The following CDH13 variants were observed in gnomAD, a reference collection of about 807,000 sequenced individuals.
CDH13 encodes the protein cadherin 13, also known as cadherin-13.
Under a neutral mutation model 63.8 loss-of-function variants are expected in CDH13, and 24 were observed. That is an observed-to-expected ratio of 0.38 (90% CI 0.27 to 0.53). The LOEUF (loss-of-function observed/expected upper bound fraction) is 0.53, where lower values mean the gene tolerates loss of function less well. Ranked by LOEUF, CDH13 falls within the 20% of genes least tolerant of loss-of-function variation. The probability of loss-of-function intolerance (pLI) is 0.85; values close to 1 mark genes in which losing one functional copy is unlikely to be tolerated. For synonymous variants in CDH13, 503 were observed against 355.3 expected (o/e 1.42, Z -4.67); for missense variants, 1,049 against 903.1 (o/e 1.16, Z -2.07).
chr16:83,211,534 C>T (rs781518106), intron 4 of CDH13, among the ~76,000 whole-genome samples: 17 of 152,188 alleles, frequency 1.1e-4, no homozygotes, highest in Non-Finnish European at 1.8e-4. Flanking sequence ...ACACACACCA[C>T]ATTGTATCAT....
chr16:82,980,316 A>G (rs915588458), intron 2 of CDH13, among the ~76,000 whole-genome samples: 1 of 152,134 alleles, frequency 6.6e-6, no homozygotes, highest in Non-Finnish European at 1.5e-5. Context: ...GGTCAAAACT[A>G]GAGACTCACA....
chr16:82,953,620 G>A (rs1457529140), intron 2 of CDH13: 1 of 152,084 alleles, frequency 6.6e-6, no homozygotes, highest in Non-Finnish European at 1.5e-5. Flanking sequence ...ATAAAACATG[G>A]GTGAGAAAAT....
At chr16:82,846,464 C>A (rs1224087381) in intron 1 of CDH13, among the ~76,000 whole-genome samples, 2 of 152,288 alleles carry the variant, frequency 1.3e-5, no homozygotes, top group South Asian at 4.1e-4. Flanking sequence ...CTCATTGACT[C>A]ATACAACCAA....
intron 10 of CDH13, chr16:83,717,749 C>T (rs573286101): frequency 3.3e-5 from 5 of 152,386 alleles, no homozygotes; most frequent in Admixed American, 3.3e-4. Context: ...TTAACCAGCT[C>T]CCCTGCATGC....
chr16:82,792,813 T>A (rs1347587089), intron 1 of CDH13, among the ~76,000 whole-genome samples: 3 of 152,252 alleles, frequency 2.0e-5, no homozygotes, highest in Admixed American at 1.3e-4. Context: ...AATGCCCAAC[T>A]GCATCCAGGC....
intron 5 of CDH13, among the ~76,000 whole-genome samples, chr16:83,309,978 C>T (rs1458791974): frequency 6.6e-6 from 1 of 152,148 alleles, no homozygotes. Flanking sequence ...GGAGACAGAG[C>T]TTCAGATGAG....
chr16:82,939,859 G>C (rs746911452), intron 2 of CDH13, among the ~76,000 whole-genome samples: 1 of 151,900 alleles, frequency 6.6e-6, no homozygotes. Context: ...AGGTATATTC[G>C]CACGTTTTCA....
intron 2 of CDH13, among the ~76,000 whole-genome samples, chr16:82,882,682 C>A (rs938465443): frequency 1.3e-5 from 2 of 151,958 alleles, no homozygotes; most frequent in East Asian, 3.9e-4. Flanking sequence ...CTCTCTCTCC[C>A]TTTCTTCCTT....
At chr16:83,774,064 C>G (rs1347376563) in intron 11 of CDH13, among the ~76,000 whole-genome samples, 1 of 152,180 alleles carries the variant, frequency 6.6e-6, no homozygotes, top group Non-Finnish European at 1.5e-5. Flanking sequence ...CTGCTGTTAT[C>G]TCTGAAAAAG....
intron 7 of CDH13, among the ~76,000 whole-genome samples, chr16:83,493,332 G>T: frequency 6.6e-6 from 1 of 152,302 alleles, no homozygotes; most frequent in South Asian, 2.1e-4. Flanking sequence ...TTGAATGAAA[G>T]ACAGAGCTAA....
intron 11 of CDH13, among the ~76,000 whole-genome samples, chr16:83,761,050 G>A (rs751821750): frequency 1.4e-4 from 22 of 152,178 alleles, no homozygotes; most frequent in Non-Finnish European, 2.9e-4. Context: ...GCTACACACA[G>A]CTCAACATAC....
chr16:83,283,915 A>C (rs1158155913), intron 5 of CDH13, among the ~76,000 whole-genome samples: 1 of 152,098 alleles, frequency 6.6e-6, no homozygotes, highest in Non-Finnish European at 1.5e-5. Context: ...ACATTTTTGT[A>C]ATGTGTGTTT....
chr16:83,473,773 C>T (rs2073527472), intron 6 of CDH13, among the ~76,000 whole-genome samples: 1 of 152,102 alleles, frequency 6.6e-6, no homozygotes, highest in Non-Finnish European at 1.5e-5. Flanking sequence ...GAATAAACCA[C>T]ACTTCCTGGG....
intron 8 of CDH13, among the ~76,000 whole-genome samples, chr16:83,653,275 A>G (rs1912561195): frequency 6.6e-6 from 1 of 152,202 alleles, no homozygotes; most frequent in African/African-American, 2.4e-5. Context: ...ATTCATATGT[A>G]CAATTTAAAT....
chr16:83,488,141 C>T (rs1208938239), intron 7 of CDH13, among the ~76,000 whole-genome samples: 1 of 152,304 alleles, frequency 6.6e-6, no homozygotes, highest in African/African-American at 2.4e-5. Flanking sequence ...AAATCAGCTT[C>T]ACAGTCACAG....
At chr16:83,278,835 A>T (rs1336452021) in intron 5 of CDH13, among the ~76,000 whole-genome samples, 1 of 152,172 alleles carries the variant, frequency 6.6e-6, no homozygotes, top group African/African-American at 2.4e-5. Flanking sequence ...AGAAGCAGTG[A>T]ATTTAGAACA....
intron 5 of CDH13, among the ~76,000 whole-genome samples, chr16:83,273,260 G>A (rs1375718779): frequency 6.6e-6 from 1 of 152,068 alleles, no homozygotes; most frequent in Admixed American, 6.6e-5. Flanking sequence ...GAGGTTTGGT[G>A]TACAGACGAT....
intron 6 of CDH13, among the ~76,000 whole-genome samples, chr16:83,376,741 G>A (rs2091466731): frequency 6.6e-6 from 1 of 152,136 alleles, no homozygotes; most frequent in Non-Finnish European, 1.5e-5. Context: ...CAAAGGGCCA[G>A]AAATCTTTGA....
At chr16:82,668,322 T>A (rs1290656945) in intron 1 of CDH13, among the ~76,000 whole-genome samples, 1 of 152,136 alleles carries the variant, frequency 6.6e-6, no homozygotes, top group Non-Finnish European at 1.5e-5. Flanking sequence ...AGGGATGGCA[T>A]CAGGCCCGCT....
Sources: gnomAD v4.1 joint callset for allele counts (sites outside exome capture counted in the v4.1 genomes callset) on GRCh38, gnomAD v4.1.1 for gene constraint, MANE v1.5 for transcripts, NCBI Gene and HGNC (gene_info 2026-07-23, HGNC 2026-07-21) for gene names.